The following KIAA0232 variants were observed in gnomAD, a reference collection of about 807,000 sequenced individuals.
The protein encoded by KIAA0232 is KIAA0232, also known as uncharacterized protein KIAA0232.
Under a neutral mutation model 122.0 loss-of-function variants are expected in KIAA0232, and 27 were observed. The observed-to-expected ratio is 0.22, with a 90% CI of 0.16 to 0.31. The LOEUF (loss-of-function observed/expected upper bound fraction) is 0.31, where lower values mean the gene tolerates loss of function less well. Ranked by LOEUF, KIAA0232 falls within the 10% of genes least tolerant of loss-of-function variation. The pLI is 1.00. For synonymous variants in KIAA0232, 613 were observed against 587.6 expected, an observed-to-expected ratio of 1.04 and a Z score of -0.63; for missense variants, 1,551 against 1,634.2, an observed-to-expected ratio of 0.95 and a Z score of 0.88.
chr4:6,793,233 G>A (rs918764143), intron 1 of KIAA0232, among the ~76,000 whole-genome samples: 1 of 152,084 alleles, frequency 6.6e-6, no homozygotes, highest in African/African-American at 2.4e-5. Flanking sequence ...TTTAGAATGT[G>A]TATATAAACA....
Position 6,855,210 on chromosome 4 carries a change from A to T in KIAA0232, c.370-1954A>T, listed in dbSNP as rs1474841455. On this transcript the variant is annotated intron_variant, in intron 4 of 9. Transcript: ENST00000307659. This position sits in a 1 kb window ranked among gnomAD's most constrained non-coding sequence, Gnocchi z 4.3. ...AGCAGTTCTCCTGCCTCAGCCTCCCAAGTAGCTAAGATTACAGGTGCCTGC... is the reference window on the plus strand; with the variant it reads ...AGCAGTTCTCCTGCCTCAGCCTCCCTAGTAGCTAAGATTACAGGTGCCTGC... Among the ~76,000 whole-genome samples, 4 of 151,768 alleles carry T rather than the reference A, an allele frequency of 2.6e-5. No homozygotes were observed. The highest frequency in any genetic ancestry group is 7.3e-5 in the African/African-American group (3 of 41,258).
intron 2 of KIAA0232, among the ~76,000 whole-genome samples, chr4:6,814,570 T>A (rs1300649408): frequency 1.3e-5 from 2 of 152,172 alleles, no homozygotes; most frequent in East Asian, 3.8e-4. Flanking sequence ...GAAATGCACA[T>A]ACCCCAAAAT....
chr4:6,850,186 A>G (rs56019641), intron 4 of KIAA0232, among the ~76,000 whole-genome samples: 5,446 of 152,242 alleles, frequency 0.036, 327 homozygotes, highest in African/African-American at 0.13. Flanking sequence ...TGGGGTATGA[A>G]AACAGATTAA....
chr4:6,862,119 A>T lies in KIAA0232; in HGVS notation c.1737A>T (p.Leu579Phe), dbSNP rs201544484. The change falls in exon 7 of 10, where the codon TTA becomes TTT. Residue 579 changes from leucine to phenylalanine, a missense_variant. Leu to Phe is a conservative substitution (Grantham distance 22). Around this residue, in one of 5 missense-constraint regions of KIAA0232, gnomAD observed 1,108 missense variants for 1,154.8 expected, o/e 0.96. Transcript: ENST00000307659. ...DSTSSVGAEGLFLQDLGNLAQ... is the reference protein window; with the variant it reads ...DSTSSVGAEGFFLQDLGNLAQ... ...CCAGCTCCGTAGGTGCTGAGGGCTT[A>T]TTCCTGCAGGACCTTGGCAATCTGG... The T allele has an allele frequency of 2.8e-4, 455 of 1,614,088 alleles. No homozygotes were observed. Among genetic ancestry groups the T allele is most frequent in the Non-Finnish European group, 3.5e-4 (412 of 1,180,044 alleles).
rs577863350 is a variant in KIAA0232 at position 6,837,275 on chromosome 4, T to G, written c.232-4792T>G. 6.8e-3 allele frequency among the ~76,000 whole-genome samples: 932 copies of G among 137,666 alleles called. 8 individuals carry two copies. Among genetic ancestry groups the G allele is most frequent in the African/African-American group, 0.022 (801 of 35,940 alleles). 90.3% of individuals were successfully genotyped at this position (137,666 alleles called of 152,430 possible). A position where few individuals can be genotyped will look rare whatever the true frequency, so the allele number is the denominator to read the frequency against. ...AGACGCTCCTCACCTCCCAGACGGGTTGGCGGCGGGGCAGAGACGCTCCTC... is the reference window on the plus strand; with the variant it reads ...AGACGCTCCTCACCTCCCAGACGGGGTGGCGGCGGGGCAGAGACGCTCCTC... On this transcript the variant is annotated intron_variant, in intron 3 of 9. Transcript: ENST00000307659.
At chr4:6,830,973 C>T (rs570386228) in intron 3 of KIAA0232, among the ~76,000 whole-genome samples, 221 of 151,958 alleles carry the variant, frequency 1.5e-3, no homozygotes, top group African/African-American at 5.2e-3. Context: ...GCTGAACCAC[C>T]CCAAAAAAGT....
intron 7 of KIAA0232, among the ~76,000 whole-genome samples, chr4:6,870,659 CG>C (rs1248230357): frequency 4.6e-5 from 7 of 151,988 alleles, no homozygotes; most frequent in African/African-American, 1.5e-4. Context: ...AAAAATTAGC[CG>C]GGGTGGTGGT....
At chr4:6,856,431 C>T (rs1026490423) in intron 4 of KIAA0232, among the ~76,000 whole-genome samples, 3 of 152,104 alleles carry the variant, frequency 2.0e-5, no homozygotes, top group Non-Finnish European at 2.9e-5. Context: ...TTAAAGTCTA[C>T]TAATGAAAGA....
At chr4:6,813,498 G>A (rs1210991487) in intron 2 of KIAA0232, among the ~76,000 whole-genome samples, 1 of 152,046 alleles carries the variant, frequency 6.6e-6, no homozygotes. Flanking sequence ...GAGTAGCTGG[G>A]ACTACAGGTG....
chr4:6,796,839 T>G (rs557064760), intron 1 of KIAA0232, among the ~76,000 whole-genome samples: 5 of 152,232 alleles, frequency 3.3e-5, no homozygotes, highest in Admixed American at 1.3e-4. Flanking sequence ...TGGCCTTAGC[T>G]ACCGTGATGG....
rs534858239 is a variant in KIAA0232, at chr4:6,849,488, C to A, written c.369+7284C>A. On this transcript the variant is annotated intron_variant, in intron 4 of 9. Coordinates refer to ENST00000307659, the MANE Select transcript of KIAA0232 (RefSeq NM_014743.3). ...AAAATTAACCGGACGTGGTGGCGCC[C>A]ACCCATAATCCCAGCTACCTGGGAG... 3.3e-5 allele frequency among the ~76,000 whole-genome samples: 5 copies of A among 152,312 alleles called. No individual in the cohort carries two copies. The South Asian group carries it at 1.0e-3, about 32-fold the overall frequency.
Position 6,861,358 on chromosome 4 carries a change from A to G in KIAA0232, c.976A>G (p.Lys326Glu). The change falls in exon 7 of 10, where the codon AAA becomes GAA. Residue 326 changes from lysine (K) to glutamate (E), a missense_variant. Around this residue, in one of 5 missense-constraint regions of KIAA0232, gnomAD observed 377 missense variants for 381.7 expected, o/e 0.99. Transcript: ENST00000307659. ...CAAGGCACGAGAGATTCGAAACAAA[A>G]AAGGGCGGAATGGGCAAAGCAGGCT... ...RHKAREIRNK[K>E]GRNGQSRLSL... 6.2e-7 allele frequency: 1 copy of G among 1,614,184 alleles called. No individual in the cohort carries two copies. Among genetic ancestry groups the G allele is most frequent in the Non-Finnish European group, 8.5e-7 (1 of 1,180,048 alleles).
intron 1 of KIAA0232, among the ~76,000 whole-genome samples, chr4:6,790,216 T>G (rs977956558): frequency 2.0e-5 from 3 of 152,162 alleles, no homozygotes; most frequent in Admixed American, 6.5e-5. Context: ...CCCTAAGTGC[T>G]TACCTGTTGC....
chr4:6,809,102 T>G (rs1308867968), intron 2 of KIAA0232, among the ~76,000 whole-genome samples: 2 of 152,220 alleles, frequency 1.3e-5, no homozygotes, highest in Non-Finnish European at 2.9e-5. Context: ...CAGGAATGAT[T>G]CCATTGCCAG....
intron 4 of KIAA0232, among the ~76,000 whole-genome samples, chr4:6,844,013 C>T (rs1020304678): frequency 7.3e-6 from 1 of 136,468 alleles, no homozygotes; most frequent in Non-Finnish European, 1.5e-5. Flanking sequence ...CATCTCGGCT[C>T]ACTGCAAGCT....
At chr4:6,869,319 A>T (rs1360382500) in intron 7 of KIAA0232, among the ~76,000 whole-genome samples, 1 of 152,236 alleles carries the variant, frequency 6.6e-6, no homozygotes, top group Non-Finnish European at 1.5e-5. Flanking sequence ...GAACCTGTTA[A>T]CCTCTAAATC....
At chr4:6,797,589 G>C (rs184675998) in intron 1 of KIAA0232, among the ~76,000 whole-genome samples, 1 of 150,638 alleles carries the variant, frequency 6.6e-6, no homozygotes, top group East Asian at 2.0e-4. Flanking sequence ...GGGCAACATA[G>C]CAAGATCCCA....
At chr4:6,789,033 C>T (rs187306955) in intron 1 of KIAA0232, among the ~76,000 whole-genome samples, 239 of 151,956 alleles carry the variant, frequency 1.6e-3, no homozygotes, top group African/African-American at 5.1e-3. Flanking sequence ...TGCAGTGGCG[C>T]GATCTCGGCT....
intron 1 of KIAA0232, among the ~76,000 whole-genome samples, chr4:6,801,650 C>T (rs1178326821): frequency 2.6e-5 from 4 of 151,644 alleles, no homozygotes; most frequent in African/African-American, 9.7e-5. Flanking sequence ...CTCCACTGCA[C>T]TCCAGACTGG....
Sources: allele counts gnomAD v4.1 joint callset (sites outside exome capture counted in the v4.1 genomes callset), GRCh38; gene constraint gnomAD v4.1.1; regional missense constraint gnomAD v4.1.1; non-coding constraint Gnocchi (gnomAD v3.1); transcripts MANE v1.5; gene names NCBI Gene and HGNC (gene_info 2026-07-23, HGNC 2026-07-21).